Variants in GABBR2 observed in about 807,000 individuals in gnomAD.
GABBR2 encodes G-protein coupled receptor 51.
GABBR2 carries 23 observed loss-of-function variants against 105.6 expected under a neutral mutation model. That is an observed-to-expected ratio of 0.22 (90% CI 0.16 to 0.31). The LOEUF is 0.31. GABBR2 is among the 10% of genes least tolerant of loss of function. The pLI, the probability that GABBR2 is intolerant of heterozygous loss-of-function variation, is 1.00. For missense variants in GABBR2, 734 were observed against 1,245.5 expected, an observed-to-expected ratio of 0.59 and a Z score of 6.18; for synonymous variants, 478 against 499.7, an observed-to-expected ratio of 0.96 and a Z score of 0.58.
chr9:98,315,402 G>A lies in GABBR2; in HGVS notation c.1894-4197C>T, dbSNP rs1353184082. Among the ~76,000 whole-genome samples, 5 of 152,324 alleles carry A rather than the reference G, an allele frequency of 3.3e-5. No homozygotes were observed. The Middle Eastern group carries it at 0.01, about 311-fold the overall frequency. Reference sequence around the variant, plus strand: ...ATGCAGCCCCATCTCCCTGTCACAGGTCAGAGGTTACGGTGGCAGGGGTTG... The same window carrying A: ...ATGCAGCCCCATCTCCCTGTCACAGATCAGAGGTTACGGTGGCAGGGGTTG... On this transcript the variant is annotated intron_variant, in intron 13 of 18. Coordinates refer to ENST00000259455, the MANE Select transcript of GABBR2 (RefSeq NM_005458.8).
intron 11 of GABBR2, among the ~76,000 whole-genome samples, chr9:98,379,054 G>A (rs1319885544): frequency 4.6e-5 from 7 of 152,112 alleles, no homozygotes; most frequent in Admixed American, 6.5e-5. Flanking sequence ...ATCCTCAGAG[G>A]TCCCGTCTGT....
intron 7 of GABBR2, among the ~76,000 whole-genome samples, chr9:98,444,608 G>A (rs1379982905): frequency 2.0e-5 from 3 of 152,142 alleles, no homozygotes; most frequent in African/African-American, 7.2e-5. Context: ...TGTAAACAGG[G>A]CAGTCACACA....
intron 13 of GABBR2, among the ~76,000 whole-genome samples, chr9:98,343,337 G>A (rs1831246879): frequency 6.6e-6 from 1 of 152,176 alleles, no homozygotes; most frequent in Non-Finnish European, 1.5e-5. Flanking sequence ...TGGCTGCCCT[G>A]TGGTTCCGTG....
At chr9:98,678,470 C>G (rs1830502125) in intron 1 of GABBR2, among the ~76,000 whole-genome samples, 1 of 152,214 alleles carries the variant, frequency 6.6e-6, no homozygotes, top group African/African-American at 2.4e-5. Context: ...CTGGCAGAAT[C>G]TTGAGGTTGG....
intron 1 of GABBR2, among the ~76,000 whole-genome samples, chr9:98,700,105 G>A (rs1218568710): frequency 6.6e-6 from 1 of 152,126 alleles, no homozygotes; most frequent in African/African-American, 2.4e-5. Context: ...GCTATACCAC[G>A]TGTAATTGTT....
intron 1 of GABBR2, chr9:98,606,947 GC>G: frequency 1.4e-6 from 1 of 716,692 alleles, no homozygotes. Flanking sequence ...CTTCCTGCTT[GC>G]CCGCGGCTCC....
intron 11 of GABBR2, among the ~76,000 whole-genome samples, chr9:98,376,105 A>G (rs1012632442): frequency 6.6e-6 from 1 of 152,234 alleles, no homozygotes; most frequent in Non-Finnish European, 1.5e-5. Flanking sequence ...TTAGGCAGGT[A>G]GTGCCCATCT....
At chr9:98,614,929 A>G (rs1472966307) in intron 1 of GABBR2, among the ~76,000 whole-genome samples, 1 of 152,182 alleles carries the variant, frequency 6.6e-6, no homozygotes, top group Non-Finnish European at 1.5e-5. Flanking sequence ...ACAGACTTTC[A>G]GGGTATATTA....
At chr9:98,402,867 C>G (rs1057137856) in intron 8 of GABBR2, among the ~76,000 whole-genome samples, 1 of 152,116 alleles carries the variant, frequency 6.6e-6, no homozygotes, top group Non-Finnish European at 1.5e-5. Flanking sequence ...AGATAAGGCA[C>G]CTCTGAAACC....
At chr9:98,604,859 G>C (rs919576488) in intron 1 of GABBR2, among the ~76,000 whole-genome samples, 2 of 152,214 alleles carry the variant, frequency 1.3e-5, no homozygotes, top group African/African-American at 2.4e-5. Flanking sequence ...ACAACTAGTT[G>C]TTTGCGGGGC....
At chr9:98,578,542 C>T (rs1828953001) in intron 1 of GABBR2, among the ~76,000 whole-genome samples, 1 of 151,994 alleles carries the variant, frequency 6.6e-6, no homozygotes, top group Non-Finnish European at 1.5e-5. Flanking sequence ...GCTGTGGAAA[C>T]AGTATAGTGG....
At chr9:98,395,831 C>T (rs1406946320) in intron 8 of GABBR2, among the ~76,000 whole-genome samples, 1 of 151,988 alleles carries the variant, frequency 6.6e-6, no homozygotes, top group African/African-American at 2.4e-5. Context: ...GGATAGGGCC[C>T]CCAGGGAAGA....
At chr9:98,346,165 T>C (rs1027109003) in intron 13 of GABBR2, among the ~76,000 whole-genome samples, 2 of 152,358 alleles carry the variant, frequency 1.3e-5, no homozygotes, top group East Asian at 1.9e-4. Flanking sequence ...GTCTGCTGCA[T>C]TGATTGATTC....
intron 1 of GABBR2, among the ~76,000 whole-genome samples, chr9:98,629,083 G>A (rs867429514): frequency 8.5e-5 from 13 of 152,156 alleles, no homozygotes; most frequent in Admixed American, 2.6e-4. Flanking sequence ...TCTGGGTAAC[G>A]AAAGGGATCA....
chr9:98,672,298 G>A (rs1473902930), intron 1 of GABBR2, among the ~76,000 whole-genome samples: 2 of 152,116 alleles, frequency 1.3e-5, no homozygotes, highest in African/African-American at 2.4e-5. Flanking sequence ...TATAAGTGAA[G>A]TCAGACAGTA....
In GABBR2 at chr9:98,684,169, T is replaced by TTAAAAAAAAAAAAAAAAAAA. The variant is rs376323708; in HGVS notation, c.321+24247_321+24248insTTTTTTTTTTTTTTTTTTTA. ...AAAAGAAGAATGCATTTTACCACGG[T>TTAAAAAAAAAAAAAAAAAAA]AAAAAAAAAAAAAAAAAAAAAAAAA... On this transcript the variant is annotated intron_variant, in intron 1 of 18. Transcript: ENST00000259455. Among the ~76,000 whole-genome samples the TTAAAAAAAAAAAAAAAAAAA allele has an allele frequency of 7.6e-5, 5 of 66,116 alleles. 2 individuals are homozygous for TTAAAAAAAAAAAAAAAAAAA. The highest frequency in any genetic ancestry group is 4.2e-4 in the Admixed American group (2 of 4,762). The allele number at this position is 66,116 out of a possible 152,430, so 43.4% of individuals were successfully genotyped here.
intron 11 of GABBR2, among the ~76,000 whole-genome samples, chr9:98,376,369 A>G (rs964677183): frequency 2.0e-5 from 3 of 152,184 alleles, no homozygotes; most frequent in African/African-American, 7.2e-5. Flanking sequence ...CCACAGATTC[A>G]TGTGGGCTTC....
At chr9:98,603,332 C>A (rs994310243) in intron 1 of GABBR2, among the ~76,000 whole-genome samples, 1 of 152,202 alleles carries the variant, frequency 6.6e-6, no homozygotes, top group Non-Finnish European at 1.5e-5. Context: ...TGGTCTGGAA[C>A]TTTTCCACTG....
At chr9:98,305,934 T>C (rs1291620079) in intron 15 of GABBR2, among the ~76,000 whole-genome samples, 187 bp downstream of exon 15, 1 of 152,074 alleles carries the variant, frequency 6.6e-6, no homozygotes, top group Non-Finnish European at 1.5e-5. Flanking sequence ...GTGGTGGGAC[T>C]ATGGGAAATT....
Sources: allele counts gnomAD v4.1 joint callset (sites outside exome capture counted in the v4.1 genomes callset), GRCh38; gene constraint gnomAD v4.1.1; transcripts MANE v1.5; gene names NCBI Gene and HGNC (gene_info 2026-07-23, HGNC 2026-07-21).